DDX24: variants seen among roughly 807,000 people sequenced by gnomAD.
The protein encoded by DDX24 is DEAD-box helicase 24, also known as ATP-dependent RNA helicase DDX24.
Under a neutral mutation model 68.9 loss-of-function variants are expected in DDX24, and 24 were observed. The observed-to-expected ratio is 0.35, with a 90% confidence interval of 0.25 to 0.49. The LOEUF (loss-of-function observed/expected upper bound fraction) is 0.49, where lower values mean the gene tolerates loss of function less well. Ranked by LOEUF, DDX24 falls within the 20% of genes least tolerant of loss-of-function variation. The pLI is 0.99. For missense variants in DDX24, 989 were observed against 1,039.0 expected (o/e 0.95, Z 0.66); for synonymous variants, 395 against 385.2 (o/e 1.03, Z -0.30).
rs1885999067 is a variant in DDX24, at chr14:94,078,942, C to A, written c.718+83G>T. 21 of 1,404,144 alleles carry A rather than the reference C, an allele frequency of 1.5e-5. No individual in the cohort carries two copies. In the South Asian group the frequency reaches 2.7e-4, roughly 18 times the overall value. 87.0% of individuals were successfully genotyped at this position (1,404,144 alleles called of 1,614,324 possible). ...TTTTGTGGTTATGTTCTTCAACATT[C>A]TTCTCTCTCCCAATTATCTGGCCTA... On this transcript the variant is annotated intron_variant, in intron 2 of 8. Coordinates refer to ENST00000621632, the MANE Select transcript of DDX24 (RefSeq NM_020414.4).
intron 2 of DDX24, among the ~76,000 whole-genome samples, chr14:94,078,691 G>T (rs539567772): frequency 2.0e-5 from 3 of 152,202 alleles, no homozygotes; most frequent in African/African-American, 7.2e-5. Flanking sequence ...AAGAACAGCA[G>T]AAACTACGAT....
intron 2 of DDX24, among the ~76,000 whole-genome samples, chr14:94,069,150 C>A (rs1160039366): frequency 1.3e-5 from 2 of 151,968 alleles, no homozygotes; most frequent in Admixed American, 6.6e-5. Context: ...GAGAGAAAAT[C>A]AAAATAACCT....
chr14:94,071,532 C>A (rs973952627), intron 2 of DDX24, among the ~76,000 whole-genome samples: 8 of 152,108 alleles, frequency 5.3e-5, no homozygotes, highest in African/African-American at 1.9e-4. Flanking sequence ...ACCTGTAATC[C>A]CAGCTACTTA....
At chr14:94,069,957 G>T (rs1885794683) in intron 2 of DDX24, among the ~76,000 whole-genome samples, 1 of 152,096 alleles carries the variant, frequency 6.6e-6, no homozygotes, top group Admixed American at 6.5e-5. Flanking sequence ...ACAAGACAAG[G>T]ATGCCCACCT....
Position 94,051,340 on chromosome 14 carries a change from T to TGG in DDX24, c.2429_2430dup (p.Thr811ProfsTer21), listed in dbSNP as rs1885384220. The TGG allele has an allele frequency of 6.2e-7, 1 of 1,613,014 alleles. No individual in the cohort carries two copies. The highest frequency in any genetic ancestry group is 1.3e-5 in the African/African-American group (1 of 74,686). ...AGCAGGGGCGGCTTGCCAGACTGAG[T>TGG]GGGATACTTGGTTTTCTGGCTCTCC... On this transcript the variant is annotated frameshift_variant, in exon 9 of 9. Coordinates refer to ENST00000621632, the MANE Select transcript of DDX24 (RefSeq NM_020414.4). LOFTEE classifies it low-confidence loss of function (END_TRUNC).
At chr14:94,052,069 A>G (rs3790047) in intron 8 of DDX24, among the ~76,000 whole-genome samples, 81,178 of 152,166 alleles carry the variant, frequency 0.53, 23,681 homozygotes, top group African/African-American at 0.79. Context: ...GAGCCACCAG[A>G]AATAGCTCAC....
Position 94,052,990 on chromosome 14 carries a change from GGGC to G in DDX24, c.2308+5_2308+7del. 1.2e-6 allele frequency: 2 copies of G among 1,601,294 alleles called. No individual in the cohort carries two copies. Among genetic ancestry groups the G allele is most frequent in the Non-Finnish European group, 1.7e-6 (2 of 1,172,548 alleles). On this transcript the variant is annotated splice_donor_5th_base_variant and intron_variant, in intron 8 of 8. Transcript: ENST00000621632. ...CTTCCTCAATTCCCATCCCGCCCAA[GGGC>G]TTACCCTTATACATGTCTTCTTCCA...
rs189143002 is a variant in DDX24, at chr14:94,059,818, G to A, written c.1913+280C>T. Among the ~76,000 whole-genome samples, 8 of 152,246 alleles carry A rather than the reference G, an allele frequency of 5.3e-5. No homozygotes were observed. The East Asian group carries it at 1.5e-3, about 29-fold the overall frequency. On this transcript the variant is annotated intron_variant, in intron 5 of 8. Transcript: ENST00000621632. Reference sequence around the variant, plus strand: ...CTGAATGTGATTCTGAATCTAAAGTGCCAGCACAGGACCTAATCTATTGTC... The same window carrying A: ...CTGAATGTGATTCTGAATCTAAAGTACCAGCACAGGACCTAATCTATTGTC...
At chr14:94,080,432 C>T (rs1886047746) in intron 1 of DDX24, among the ~76,000 whole-genome samples, 1 of 152,110 alleles carries the variant, frequency 6.6e-6, no homozygotes, top group Non-Finnish European at 1.5e-5. Context: ...AGAAAGATAA[C>T]AGATTCCGTG....
At chr14:94,053,507 C>A in intron 7 of DDX24, 1 of 169,526 alleles carries the variant, frequency 5.9e-6, no homozygotes, top group Non-Finnish European at 1.3e-5. Flanking sequence ...CCGTGCCCAG[C>A]AAGTAGTGTT....
At position 94,074,042 on chromosome 14, in the gene DDX24, C is replaced by CAA. The variant is rs200305316; in HGVS notation, c.718+4981_718+4982dup. On this transcript the variant is annotated intron_variant, in intron 2 of 8. Coordinates refer to ENST00000621632, the MANE Select transcript of DDX24 (RefSeq NM_020414.4). ...TGGGCAACAGACCGAGACTCCATCT[C>CAA]AAAAAAAAAAAAAAAGAAAAAAATA... is the stretch of plus-strand genomic sequence containing the variant. 3.0e-4 allele frequency among the ~76,000 whole-genome samples: 22 copies of CAA among 74,412 alleles called. 1 individual carries two copies. Among genetic ancestry groups the CAA allele is most frequent in the African/African-American group, 6.9e-4 (14 of 20,216 alleles). The allele number at this position is 74,412 out of a possible 152,430, so 48.8% of individuals were successfully genotyped here. A position where few individuals can be genotyped will look rare whatever the true frequency, so the allele number is the denominator to read the frequency against.
intron 2 of DDX24, among the ~76,000 whole-genome samples, chr14:94,075,154 G>A (rs957666288): frequency 1.3e-5 from 2 of 151,952 alleles, no homozygotes; most frequent in East Asian, 1.9e-4. Flanking sequence ...CTGATATAAC[G>A]GATTCTAAAA....
In DDX24 at chr14:94,079,215, T is replaced by G; in HGVS notation, c.528A>C (p.Lys176Asn). The change falls in exon 2 of 9, where the codon AAA becomes AAC. Residue 176 changes from lysine to asparagine, a missense_variant. By Grantham distance (94) the Lys-to-Asn change is moderately conservative. Coordinates refer to ENST00000621632, the MANE Select transcript of DDX24 (RefSeq NM_020414.4). ...SQSTAAKVPK[K>N]AKTWIPEVHD... ...GAACTTCAGGAATCCATGTCTTCGC[T>G]TTTTTGGGCACCTTGGCAGCAGTGC... 6.2e-7 allele frequency: 1 copy of G among 1,614,174 alleles called. No individual in the cohort carries two copies. Among genetic ancestry groups the G allele is most frequent in the Non-Finnish European group, 8.5e-7 (1 of 1,180,042 alleles).
intron 8 of DDX24, among the ~76,000 whole-genome samples, chr14:94,052,365 A>G (rs1885404763): frequency 6.6e-6 from 1 of 152,232 alleles, no homozygotes; most frequent in African/African-American, 2.4e-5. Flanking sequence ...GTTTCCCTGC[A>G]CAAACTGCCT....
intron 5 of DDX24, among the ~76,000 whole-genome samples, chr14:94,059,862 T>G (rs765633615): frequency 1.4e-4 from 22 of 152,130 alleles, no homozygotes; most frequent in Admixed American, 3.9e-4. Flanking sequence ...CAATATTATG[T>G]ATTGTCACCT....
chr14:94,061,264 C>G (rs954430666), intron 3 of DDX24, among the ~76,000 whole-genome samples, 198 bp from the exon 4 acceptor site: 2 of 152,118 alleles, frequency 1.3e-5, no homozygotes, highest in Non-Finnish European at 2.9e-5. Flanking sequence ...GATCTGAGCT[C>G]TACTTCTTCA....
In DDX24 at chr14:94,051,223, C is replaced by G. The variant is rs749541401; in HGVS notation, c.2548G>C (p.Glu850Gln). Residue 850 changes from glutamate to glutamine, a missense_variant, in exon 9 of 9, where the codon GAA (glutamate) becomes CAA (glutamine). This residue lies in a region of DDX24 where 691 missense variants were observed against 760.0 expected (regional missense o/e 0.91). Transcript: ENST00000621632. ...GCACTTGTACTTGGCTGTGGCTGTT[C>G]CGGCTGTGGCTCCTTCGGCTTCTTT... Reference protein sequence around the residue: ...KTKKPKEPQPEQPQPSTSAN With the variant: ...KTKKPKEPQPQQPQPSTSAN 4 of 1,580,180 alleles carry G rather than the reference C, an allele frequency of 2.5e-6. No homozygotes were observed.
At chr14:94,079,783 C>A in intron 1 of DDX24, 36 bp from the exon 2 acceptor site, 1 of 1,580,240 alleles carries the variant, frequency 6.3e-7, no homozygotes, top group Non-Finnish European at 8.6e-7. Flanking sequence ...AGGTTGGTGT[C>A]TGAGAAGCAG....
Position 94,051,343 on chromosome 14 carries a change from G to A in DDX24, c.2428C>T (p.Pro810Ser). The A allele has an allele frequency of 2.5e-6, 4 of 1,613,462 alleles. No individual in the cohort carries two copies. The highest frequency in any genetic ancestry group is 3.4e-6 in the Non-Finnish European group (4 of 1,179,902). Residue 810 changes from proline to serine, a missense_variant, in exon 9 of 9, where the codon CCC becomes TCC. By Grantham distance (74) the Pro-to-Ser change is moderately conservative. This residue lies in a region of DDX24 where 691 missense variants were observed against 760.0 expected (regional missense o/e 0.91). Transcript: ENST00000621632. Reference protein sequence around the residue: ...LFTESQKTKYPTQSGKPPLLV... With the variant: ...LFTESQKTKYSTQSGKPPLLV... ...AGGGGCGGCTTGCCAGACTGAGTGG[G>A]ATACTTGGTTTTCTGGCTCTCCGTA... is the stretch of plus-strand genomic sequence containing the variant.
Sources: gnomAD v4.1 joint callset for allele counts (sites outside exome capture counted in the v4.1 genomes callset) on GRCh38, gnomAD v4.1.1 for gene constraint, gnomAD v4.1.1 regional missense constraint, MANE v1.5 for transcripts, NCBI Gene and HGNC (gene_info 2026-07-23, HGNC 2026-07-21) for gene names.